Variants in NME8 observed in about 807,000 individuals in gnomAD.
NME8 encodes NME/NM23 family member 8, also known as protein NME8.
Under a neutral mutation model 82.3 loss-of-function variants are expected in NME8, and 72 were observed. The ratio of observed to expected loss-of-function variants is 0.87; its 90% CI spans 0.72 to 1.06. The LOEUF (loss-of-function observed/expected upper bound fraction) is 1.06. Among genes scored for constraint, NME8 ranks in the 50% least tolerant of loss-of-function variants. NME8 has a pLI of 0.00. For missense variants in NME8, 712 were observed against 685.4 expected (o/e 1.04, Z -0.43); for synonymous variants, 267 against 228.5 (o/e 1.17, Z -1.52).
At chr7:37,853,310 AAG>A in intron 5 of NME8, among the ~76,000 whole-genome samples, 2 of 152,214 alleles carry the variant, frequency 1.3e-5, no homozygotes, top group South Asian at 4.1e-4. Context: ...AGTTTTTTTA[AAG>A]ACGAGATTCT....
chr7:37,864,467 AACC>A, intron 9 of NME8, 46 bp downstream of exon 9: 3 of 1,352,430 alleles, frequency 2.2e-6, no homozygotes, highest in South Asian at 2.5e-5. Flanking sequence ...GCAAAATAAC[AACC>A]TCTTAATCGT....
At chr7:37,887,862 C>A (rs1370829229) in intron 14 of NME8, among the ~76,000 whole-genome samples, 3 of 152,090 alleles carry the variant, frequency 2.0e-5, no homozygotes, top group African/African-American at 7.2e-5. Flanking sequence ...ACCATCAGAT[C>A]TTCTGAGAAC....
At chr7:37,867,237 G>A (rs996158763) in intron 10 of NME8, among the ~76,000 whole-genome samples, 1 of 151,216 alleles carries the variant, frequency 6.6e-6, no homozygotes, top group Non-Finnish European at 1.5e-5. Context: ...TTAGGGTAAA[G>A]ATCTTGAGGC....
At chr7:37,889,658 A>AT (rs1238992574) in intron 15 of NME8, among the ~76,000 whole-genome samples, 2 of 151,408 alleles carry the variant, frequency 1.3e-5, no homozygotes, top group Admixed American at 1.3e-4. Flanking sequence ...TTTTAAAGAG[A>AT]TTTTTTAAAA....
At chr7:37,896,143 A>G (rs1421460453) in intron 16 of NME8, among the ~76,000 whole-genome samples, 10 of 152,246 alleles carry the variant, frequency 6.6e-5, no homozygotes, top group African/African-American at 2.2e-4. Context: ...TTAGGAAGGC[A>G]GAATTTATAA....
chr7:37,872,310 A>C (rs1243101258), intron 11 of NME8, among the ~76,000 whole-genome samples: 1 of 152,156 alleles, frequency 6.6e-6, no homozygotes, highest in Non-Finnish European at 1.5e-5. Flanking sequence ...CTTGCCTTCC[A>C]ACTACAGGGT....
intron 5 of NME8, among the ~76,000 whole-genome samples, chr7:37,852,964 G>C (rs78747806): frequency 6.6e-6 from 1 of 152,182 alleles, no homozygotes. Flanking sequence ...CAATGAATGA[G>C]AGTTTCTGTT....
chr7:37,897,787 T>C (rs1785253529), intron 17 of NME8, among the ~76,000 whole-genome samples: 1 of 152,124 alleles, frequency 6.6e-6, no homozygotes. Context: ...GTTCTGGTGT[T>C]AGTTTGCTGA....
intron 11 of NME8, among the ~76,000 whole-genome samples, chr7:37,872,695 G>A (rs2598031): frequency 0.56 from 84,675 of 152,008 alleles, 24,750 homozygotes; most frequent in East Asian, 0.68. Flanking sequence ...GATGAGAGCA[G>A]AAGTCTGCAA....
intron 11 of NME8, among the ~76,000 whole-genome samples, chr7:37,869,930 C>G (rs1401497664): frequency 1.3e-5 from 2 of 152,176 alleles, no homozygotes; most frequent in Non-Finnish European, 2.9e-5. Flanking sequence ...AGCTGAATTT[C>G]TTTTATCTGC....
At chr7:37,870,011 A>G (rs962123983) in intron 11 of NME8, among the ~76,000 whole-genome samples, 15 of 152,170 alleles carry the variant, frequency 9.9e-5, no homozygotes, top group Non-Finnish European at 2.1e-4. Flanking sequence ...ATGTAACCAC[A>G]TCTGAACGGA....
chr7:37,870,470 T>A (rs1784751282), intron 11 of NME8, among the ~76,000 whole-genome samples: 1 of 151,614 alleles, frequency 6.6e-6, no homozygotes. Context: ...ATGCCTGTAG[T>A]TCCAGCTACT....
At chr7:37,851,395 T>C (rs561398549) in intron 5 of NME8, among the ~76,000 whole-genome samples, 1 of 152,302 alleles carries the variant, frequency 6.6e-6, no homozygotes, top group East Asian at 1.9e-4. Context: ...ATTGTAAAAC[T>C]TTTAAAATCT....
intron 11 of NME8, among the ~76,000 whole-genome samples, chr7:37,876,229 T>TAG (rs1554364686): frequency 0.011 from 1,638 of 146,180 alleles, 30 homozygotes; most frequent in African/African-American, 0.037. Flanking sequence ...TATATATATA[T>TAG]ATAGATAGAT....
At chr7:37,864,470 CT>C in intron 9 of NME8, 49 bp downstream of exon 9, 1 of 1,455,202 alleles carries the variant, frequency 6.9e-7, no homozygotes, top group Non-Finnish European at 9.4e-7. Flanking sequence ...AAATAACAAC[CT>C]CTTAATCGTC....
chr7:37,862,213 C>A, intron 7 of NME8, 69 bp downstream of exon 7: 2 of 995,696 alleles, frequency 2.0e-6, no homozygotes, highest in South Asian at 1.3e-5. Flanking sequence ...ACAAAATGCA[C>A]TACTGGTGCT....
At chr7:37,856,988 AACAGGG>A (rs1407737361) in intron 5 of NME8, among the ~76,000 whole-genome samples, 3 of 152,210 alleles carry the variant, frequency 2.0e-5, no homozygotes, top group African/African-American at 7.2e-5. Context: ...AGGATAGTTG[AACAGGG>A]ACAGTAAAAG....
chr7:37,885,321 A>G, intron 14 of NME8, 69 bp downstream of exon 14: 1 of 955,462 alleles, frequency 1.0e-6, no homozygotes, highest in South Asian at 1.4e-5. Context: ...TTAGATGTAG[A>G]GTATTGGAAC....
At chr7:37,866,593 G>C (rs912972586) in intron 10 of NME8, among the ~76,000 whole-genome samples, 1 of 152,166 alleles carries the variant, frequency 6.6e-6, no homozygotes, top group Non-Finnish European at 1.5e-5. Context: ...AATATTGTTA[G>C]GTTACCTTTA....
Sources: gnomAD v4.1 joint callset for allele counts (sites outside exome capture counted in the v4.1 genomes callset) on GRCh38, gnomAD v4.1.1 for gene constraint, MANE v1.5 for transcripts, NCBI Gene and HGNC (gene_info 2026-07-23, HGNC 2026-07-21) for gene names.